The following ZZZ3 variants were observed in gnomAD, a reference collection of about 807,000 sequenced individuals.
ZZZ3 encodes the protein ZZ-type zinc finger-containing protein 3.
A neutral mutation model predicts 95.2 loss-of-function variants in ZZZ3; 22 were observed. The ratio of observed to expected loss-of-function variants is 0.23; its 90% CI spans 0.17 to 0.33. ZZZ3 has a LOEUF of 0.33. Ranked by LOEUF, ZZZ3 falls within the 10% of genes least tolerant of loss-of-function variation. The probability of loss-of-function intolerance (pLI) is 1.00; values close to 1 mark genes in which losing one functional copy is unlikely to be tolerated. For synonymous variants in ZZZ3, 335 were observed against 358.9 expected, an observed-to-expected ratio of 0.93 and a Z score of 0.75; for missense variants, 885 against 1,066.5, an observed-to-expected ratio of 0.83 and a Z score of 2.37.
chr1:77,586,811 G>A (rs1288301684), intron 5 of ZZZ3, among the ~76,000 whole-genome samples: 1 of 152,146 alleles, frequency 6.6e-6, no homozygotes, highest in Non-Finnish European at 1.5e-5. Flanking sequence ...CACTGCACCA[G>A]TAAGATTACC....
At chr1:77,634,771 G>A (rs1335680065) in intron 4 of ZZZ3, among the ~76,000 whole-genome samples, 1 of 152,088 alleles carries the variant, frequency 6.6e-6, no homozygotes, top group Non-Finnish European at 1.5e-5. Flanking sequence ...GTAAACTAGT[G>A]ATTTGGTGAT....
In ZZZ3 at chr1:77,564,460, A is replaced by T. The variant is rs1186701630; in HGVS notation, c.*1180T>A. ...TTCTGGTTTTAACACTGGTAAAAAA[A>T]AAAATCCAAAATCTAACCAAAAGGA... On this transcript the variant is annotated 3_prime_UTR_variant, in exon 15 of 15. Transcript: ENST00000370801. 2 of 152,608 alleles carry T rather than the reference A, an allele frequency of 1.3e-5. No homozygotes were observed. The highest frequency in any genetic ancestry group is 2.9e-5 in the Non-Finnish European group (2 of 68,020). The allele number at this position is 152,608 out of a possible 1,614,324, so 9.5% of individuals were successfully genotyped here.
intron 5 of ZZZ3, among the ~76,000 whole-genome samples, chr1:77,611,470 T>C (rs577147899): frequency 2.0e-5 from 3 of 152,016 alleles, no homozygotes; most frequent in African/African-American, 4.8e-5. Context: ...TTCATAGATA[T>C]AGAAAAAACA....
chr1:77,589,039 GCTA>G (rs1020344530), intron 5 of ZZZ3, among the ~76,000 whole-genome samples: 2 of 152,220 alleles, frequency 1.3e-5, no homozygotes, highest in African/African-American at 2.4e-5. Context: ...ACCATGCCCA[GCTA>G]CTTTTTAAAT....
At chr1:77,576,707 G>A (rs866881329) in intron 11 of ZZZ3, among the ~76,000 whole-genome samples, 16 of 151,398 alleles carry the variant, frequency 1.1e-4, no homozygotes, top group Admixed American at 7.2e-4. Flanking sequence ...TGGCTTCCCC[G>A]GGCTACATTG....
intron 1 of ZZZ3, among the ~76,000 whole-genome samples, chr1:77,680,523 C>T (rs1263471823): frequency 6.6e-6 from 1 of 152,180 alleles, no homozygotes; most frequent in Non-Finnish European, 1.5e-5. Flanking sequence ...AACCACATTG[C>T]CCAAAGAGTG....
Position 77,632,645 on chromosome 1 carries a change from T to C in ZZZ3, c.710A>G (p.Lys237Arg). 3.7e-6 allele frequency: 6 copies of C among 1,614,192 alleles called. No individual in the cohort carries two copies. The South Asian group carries it at 6.6e-5, about 18-fold the overall frequency. ...CGTATCCCCATTTTCAGCTACTGAT[T>C]TTTCCTGTAACACATAGGAACCAAT... ...NSIGSYVLQE[K>R]SVAENGDTDT... Residue 237 changes from lysine to arginine, a missense_variant, in exon 5 of 15, where the codon AAA becomes AGA. Transcript: ENST00000370801.
chr1:77,605,878 G>A (rs986367876), intron 5 of ZZZ3, among the ~76,000 whole-genome samples: 1 of 152,182 alleles, frequency 6.6e-6, no homozygotes, highest in Non-Finnish European at 1.5e-5. Flanking sequence ...ACTCTGAAAT[G>A]TGCTGGCTTC....
At chr1:77,595,718 A>G (rs1319435153) in intron 5 of ZZZ3, among the ~76,000 whole-genome samples, 2 of 152,062 alleles carry the variant, frequency 1.3e-5, no homozygotes, top group African/African-American at 4.8e-5. Flanking sequence ...TGGAAGGCTA[A>G]TATGATCACA....
At chr1:77,578,987 T>C in intron 10 of ZZZ3, 118 bp from the exon 11 acceptor site, 1 of 459,740 alleles carries the variant, frequency 2.2e-6, no homozygotes, top group Non-Finnish European at 3.6e-6. Context: ...ATACTCATCA[T>C]GAATCTAGAA....
At chr1:77,590,080 A>AAG (rs1472488702) in intron 5 of ZZZ3, among the ~76,000 whole-genome samples, 3 of 152,182 alleles carry the variant, frequency 2.0e-5, no homozygotes, top group Non-Finnish European at 4.4e-5. Flanking sequence ...GTCATTAAAA[A>AAG]CAAAAAAGAG....
chr1:77,589,790 G>A (rs2100606507), intron 5 of ZZZ3, among the ~76,000 whole-genome samples: 1 of 152,150 alleles, frequency 6.6e-6, no homozygotes, highest in Admixed American at 6.6e-5. Flanking sequence ...CAATTTCTAG[G>A]CAGTAATATT....
chr1:77,637,498 A>C (rs1668410507), intron 4 of ZZZ3, among the ~76,000 whole-genome samples: 1 of 152,052 alleles, frequency 6.6e-6, no homozygotes, highest in Non-Finnish European at 1.5e-5. Context: ...CTGAGTGCAA[A>C]ATTCAGTTAA....
intron 5 of ZZZ3, among the ~76,000 whole-genome samples, chr1:77,617,728 CA>C (rs1666448355): frequency 6.7e-6 from 1 of 148,848 alleles, no homozygotes; most frequent in Admixed American, 6.8e-5. Flanking sequence ...CATTTGAGGT[CA>C]GGCATTGGAG....
chr1:77,578,815 C>G lies in ZZZ3; in HGVS notation c.2137G>C (p.Val713Leu). Residue 713 changes from valine to leucine, a missense_variant, in exon 11 of 15, where the codon GTA becomes CTA. Transcript: ENST00000370801. ...FIKLTKAGIP[V>L]PGRTPNLYIY... Reference sequence around the variant, plus strand: ...TATAAGTTTGGTGTTCTGCCTGGTACTGGAATGCCAGCTTTAGTTAGCTTT... The same window carrying G: ...TATAAGTTTGGTGTTCTGCCTGGTAGTGGAATGCCAGCTTTAGTTAGCTTT... 6.3e-7 allele frequency: 1 copy of G among 1,576,432 alleles called. No individual in the cohort carries two copies. The highest frequency in any genetic ancestry group is 1.2e-5 in the South Asian group (1 of 84,570).
chr1:77,669,458 T>TTTTC (rs1671547512), intron 1 of ZZZ3, among the ~76,000 whole-genome samples: 1 of 148,530 alleles, frequency 6.7e-6, no homozygotes, highest in Non-Finnish European at 1.5e-5. Flanking sequence ...TTCTCAGTTT[T>TTTTC]TTTTTTTTTT....
intron 5 of ZZZ3, among the ~76,000 whole-genome samples, chr1:77,624,546 G>T (rs1253958375): frequency 1.3e-5 from 2 of 152,044 alleles, no homozygotes; most frequent in Non-Finnish European, 2.9e-5. Context: ...AGCTATGAGG[G>T]TTGCTGACCC....
chr1:77,678,501 A>C (rs1021074682), intron 1 of ZZZ3, among the ~76,000 whole-genome samples: 2 of 152,234 alleles, frequency 1.3e-5, no homozygotes, highest in Non-Finnish European at 2.9e-5. Context: ...AGTACACAGA[A>C]TAAAAGTTCA....
Position 77,636,141 on chromosome 1 carries a change from T to C in ZZZ3, c.-51-2736A>G, listed in dbSNP as rs148685213. ...ATTCAACTATACTCATAATTTATGG[T>C]TCAAAAATAATACTGACAATAGAAA... On this transcript the variant is annotated intron_variant, in intron 4 of 14. Transcript: ENST00000370801. 5.3e-5 allele frequency among the ~76,000 whole-genome samples: 8 copies of C among 152,278 alleles called. No homozygotes were observed. In the East Asian group the frequency reaches 1.5e-3, roughly 29 times the overall value.
Sources: gnomAD v4.1 joint callset for allele counts (sites outside exome capture counted in the v4.1 genomes callset) on GRCh38, gnomAD v4.1.1 for gene constraint, MANE v1.5 for transcripts, NCBI Gene and HGNC (gene_info 2026-07-23, HGNC 2026-07-21) for gene names.